CCDC110: variants seen among roughly 807,000 people sequenced by gnomAD.
CCDC110 encodes the protein coiled-coil domain containing 110, also known as coiled-coil domain-containing protein 110.
A neutral mutation model predicts 77.1 loss-of-function variants in CCDC110; 70 were observed. The observed-to-expected ratio is 0.91, with a 90% CI of 0.75 to 1.11. The LOEUF (loss-of-function observed/expected upper bound fraction) is 1.11, where lower values mean the gene tolerates loss of function less well. Among genes scored for constraint, CCDC110 ranks in the 50% least tolerant of loss-of-function variants. CCDC110 has a pLI of 0.00. For missense variants in CCDC110, 868 were observed against 942.9 expected (o/e 0.92, Z 1.04); for synonymous variants, 295 against 312.5 (o/e 0.94, Z 0.59).
In CCDC110 at chr4:185,447,204, C is replaced by T. The variant is rs564005986; in HGVS notation, c.2462-1662G>A. Reference sequence around the variant, plus strand: ...ATTTTTTCTTTTTTTTTTTTTGAGACGGAGTCTCACTCTGTCGCCCAGGCT... The same window carrying T: ...ATTTTTTCTTTTTTTTTTTTTGAGATGGAGTCTCACTCTGTCGCCCAGGCT... On this transcript the variant is annotated intron_variant, in intron 6 of 6. Transcript: ENST00000307588. Among the ~76,000 whole-genome samples the T allele has an allele frequency of 1.8e-3, 274 of 148,596 alleles. 1 individual carries two copies. Among genetic ancestry groups the T allele is most frequent in the Non-Finnish European group, 2.5e-3 (167 of 67,396 alleles).
intron 6 of CCDC110, among the ~76,000 whole-genome samples, chr4:185,453,533 C>T (rs973441825): frequency 1.1e-4 from 17 of 150,034 alleles, no homozygotes; most frequent in African/African-American, 4.1e-4. Flanking sequence ...TGGCAAAGCA[C>T]ACAGTCTTGC....
chr4:185,461,261 G>T (rs1449794961), intron 4 of CCDC110, 102 bp from the exon 5 acceptor site: 2 of 575,976 alleles, frequency 3.5e-6, no homozygotes, highest in African/African-American at 3.8e-5. Context: ...TAAATTTCCT[G>T]CCCATAAACA....
intron 2 of CCDC110, among the ~76,000 whole-genome samples, chr4:185,469,183 G>A (rs1000787840): frequency 3.3e-5 from 5 of 152,164 alleles, no homozygotes; most frequent in Admixed American, 6.5e-5. Flanking sequence ...CTCAGTACAC[G>A]GGGAATGGAT....
In CCDC110 at chr4:185,459,679, A is replaced by G; in HGVS notation, c.908T>C (p.Leu303Ser). 6.2e-7 allele frequency: 1 copy of G among 1,612,088 alleles called. No homozygotes were observed. The highest frequency in any genetic ancestry group is 2.2e-5 in the East Asian group (1 of 44,828). ...FIKEENLDGN[L>S]NEDIKSKRIS... ...TCTCTTTGATTTTATATCTTCATTTAAGTTACCGTCCAAGTTTTCTTCCTT... is the reference window on the plus strand; with the variant it reads ...TCTCTTTGATTTTATATCTTCATTTGAGTTACCGTCCAAGTTTTCTTCCTT... The change falls in exon 6 of 7, where the codon TTA becomes TCA. Residue 303 changes from leucine to serine, a missense_variant. Coordinates refer to ENST00000307588, the MANE Select transcript of CCDC110 (RefSeq NM_152775.4).
chr4:185,449,748 G>A (rs879373660), intron 6 of CCDC110: 13 of 699,236 alleles, frequency 1.9e-5, no homozygotes, highest in Non-Finnish European at 2.5e-5. Flanking sequence ...GATAGCTCAA[G>A]CAGTTAAAAG....
intron 2 of CCDC110, among the ~76,000 whole-genome samples, chr4:185,466,323 C>T (rs1031813702): frequency 5.9e-5 from 9 of 151,886 alleles, no homozygotes; most frequent in Non-Finnish European, 1.0e-4. Context: ...TGCAGTGAGC[C>T]GAGATTGTGC....
chr4:185,448,675 C>T (rs2095621875), intron 6 of CCDC110, among the ~76,000 whole-genome samples: 1 of 152,168 alleles, frequency 6.6e-6, no homozygotes, highest in Admixed American at 6.5e-5. Flanking sequence ...CCTTTAACCT[C>T]TGGCAAGCCA....
chr4:185,471,504 G>T (rs1050921374), intron 1 of CCDC110, 170 bp downstream of exon 1: 13 of 655,966 alleles, frequency 2.0e-5, no homozygotes, highest in Non-Finnish European at 3.2e-5. Flanking sequence ...GGACGCAGGG[G>T]GCCGCAGCGG....
At chr4:185,451,697 G>A (rs919098818) in intron 6 of CCDC110, among the ~76,000 whole-genome samples, 10 of 152,176 alleles carry the variant, frequency 6.6e-5, no homozygotes, top group African/African-American at 9.7e-5. Context: ...TAGGCTGGGC[G>A]TGGTGGCTCA....
At chr4:185,462,769 T>A in intron 3 of CCDC110, 61 bp from the exon 4 acceptor site, 1 of 1,412,380 alleles carries the variant, frequency 7.1e-7, no homozygotes, top group Non-Finnish European at 1.0e-6. Context: ...ATTCTTGAAT[T>A]GTTATGATTT....
At position 185,468,759 on chromosome 4, in the gene CCDC110, A is replaced by G. The variant is rs993410706; in HGVS notation, c.115+2186T>C. Among the ~76,000 whole-genome samples, 3 of 151,616 alleles carry G rather than the reference A, an allele frequency of 2.0e-5. No homozygotes were observed. Among genetic ancestry groups the G allele is most frequent in the Non-Finnish European group, 4.4e-5 (3 of 67,910 alleles). On this transcript the variant is annotated intron_variant, in intron 2 of 6. Coordinates refer to ENST00000307588, the MANE Select transcript of CCDC110 (RefSeq NM_152775.4). The surrounding 1 kb of genome is among the most constrained non-coding windows in gnomAD (Gnocchi z 4.5). ...GACACACTTCCCACCCACCTCTGCC[A>G]CTCCAAATATTCCTCCCCCCCTTCT...
chr4:185,455,936 CAAATTTATAGAATGAACA>C, intron 6 of CCDC110, among the ~76,000 whole-genome samples: 1 of 151,804 alleles, frequency 6.6e-6, no homozygotes, highest in Non-Finnish European at 1.5e-5. Context: ...ACACACTAAA[CAAATTTATAGAATGAACA>C]AATCAACTTC....
intron 2 of CCDC110, among the ~76,000 whole-genome samples, chr4:185,464,156 C>T (rs140065256): frequency 2.1e-3 from 314 of 152,278 alleles, no homozygotes; most frequent in African/African-American, 7.3e-3. Flanking sequence ...TATGATGGAA[C>T]GTTCCCCTAG....
rs755665716 is a variant in CCDC110 at position 185,459,140 on chromosome 4, G to T, written c.1447C>A (p.Leu483Met). Residue 483 changes from leucine to methionine, a missense_variant, in exon 6 of 7, where the codon CTG (leucine) becomes ATG (methionine). Physicochemically the swap from Leu to Met is conservative, Grantham distance 15. Transcript: ENST00000307588. ...VETYEKQLKN[L>M]VEEKSTIQSK... ...TGAATAGTACTCTTTTCTTCAACCA[G>T]ATTCTTAAGTTGCTTTTCATATGTT... The T allele has an allele frequency of 1.3e-6, 2 of 1,599,104 alleles. No homozygotes were observed. Among genetic ancestry groups the T allele is most frequent in the Non-Finnish European group, 1.7e-6 (2 of 1,171,534 alleles).
rs376063499 is a variant in CCDC110, at chr4:185,445,372, A to G, written c.*130T>C. On this transcript the variant is annotated 3_prime_UTR_variant, in exon 7 of 7. Coordinates refer to ENST00000307588, the MANE Select transcript of CCDC110 (RefSeq NM_152775.4). The stretch of plus-strand genomic sequence containing the variant: ...TCTGCACCAAACCATTCTGTGCATA[A>G]TTTTTAAAGCAAATATATAGCGCCT... 57 of 802,498 alleles carry G rather than the reference A, an allele frequency of 7.1e-5. No homozygotes were observed. Among genetic ancestry groups the G allele is most frequent in the East Asian group, 2.5e-4 (10 of 40,410 alleles). 49.7% of individuals were successfully genotyped at this position (802,498 alleles called of 1,614,324 possible).
intron 2 of CCDC110, chr4:185,470,716 T>C (rs1220373998): frequency 1.6e-6 from 1 of 622,378 alleles, no homozygotes; most frequent in Non-Finnish European, 3.0e-6. Flanking sequence ...CGTTTCCTTA[T>C]CTGCAAAATG....
At chr4:185,457,652 AT>A in intron 6 of CCDC110, 1 of 669,026 alleles carries the variant, frequency 1.5e-6, no homozygotes. Context: ...CCAATTTCTA[AT>A]TTTAAAAACT....
At chr4:185,465,684 AAT>A (rs1186362816) in intron 2 of CCDC110, among the ~76,000 whole-genome samples, 1 of 152,212 alleles carries the variant, frequency 6.6e-6, no homozygotes, top group Non-Finnish European at 1.5e-5. Flanking sequence ...GCTACATGAT[AAT>A]AGAGTATGGG....
At chr4:185,453,081 A>G (rs1213396923) in intron 6 of CCDC110, among the ~76,000 whole-genome samples, 2 of 152,156 alleles carry the variant, frequency 1.3e-5, no homozygotes, top group African/African-American at 2.4e-5. Context: ...ATATCGGTCT[A>G]TTAAGGCTGG....
Sources: gnomAD v4.1 joint callset for allele counts (sites outside exome capture counted in the v4.1 genomes callset) on GRCh38, gnomAD v4.1.1 for gene constraint, Gnocchi (gnomAD v3.1) non-coding constraint, MANE v1.5 for transcripts, NCBI Gene and HGNC (gene_info 2026-07-23, HGNC 2026-07-21) for gene names.